Variants in LTBP3 observed in about 807,000 individuals in gnomAD.
LTBP3 encodes latent-transforming growth factor beta-binding protein 3.
Under a neutral mutation model 159.7 loss-of-function variants are expected in LTBP3, and 97 were observed. The ratio of observed to expected loss-of-function variants is 0.61; its 90% confidence interval spans 0.52 to 0.72. LTBP3 has a LOEUF of 0.72. LTBP3 is among the 30% of genes least tolerant of loss of function. LTBP3 has a pLI of 0.00. For synonymous variants in LTBP3, 824 were observed against 777.1 expected (o/e 1.06, Z -1.00); for missense variants, 1,584 against 1,864.3 (o/e 0.85, Z 2.77).
chr11:65,548,356 T>C (rs1204007772), intron 11 of LTBP3: 1 of 587,416 alleles, frequency 1.7e-6, no homozygotes, highest in East Asian at 2.8e-5. Context: ...TCAGGGCCCC[T>C]CAGTCGTCCC....
intron 16 of LTBP3, chr11:65,544,419 A>G (rs1221386152): frequency 6.6e-6 from 1 of 151,744 alleles, no homozygotes; most frequent in East Asian, 1.9e-4. Context: ...ATCCATAAAC[A>G]CCTCTCCTTC....
chr11:65,542,119 G>GC (rs1856161611), intron 18 of LTBP3: 2 of 295,506 alleles, frequency 6.8e-6, no homozygotes, highest in Non-Finnish European at 1.4e-5. Context: ...TCTATGCTTT[G>GC]CAATTACTGC....
chr11:65,542,915 AGGATGGATGGATAGAAGGATGGAT>A, intron 18 of LTBP3, 166 bp downstream of exon 18: 3 of 787,446 alleles, frequency 3.8e-6, no homozygotes, highest in African/African-American at 1.7e-5. Flanking sequence ...GATGAATGGA[AGGATGGATGGATAGAAGGATGGAT>A]GGATGGATGG....
rs1303502014 is a variant in LTBP3, at chr11:65,554,167, T to G, written c.545A>C (p.Lys182Thr). Residue 182 changes from lysine to threonine, a missense_variant, in exon 2 of 28, where the codon AAG becomes ACG. By Grantham distance (78) the Lys-to-Thr change is moderately conservative. This residue lies in a region of LTBP3 where 194 missense variants were observed against 198.7 expected (regional missense o/e 0.98). Transcript: ENST00000301873. The surrounding 1 kb of genome is among the most constrained non-coding windows in gnomAD (Gnocchi z 5.3). ...LAPEGDSVAS[K>T]HAIYAVQVIA... The stretch of plus-strand genomic sequence containing the variant: ...CACCTGGACGGCGTAGATGGCGTGC[T>G]TGCTGGCCACAGAGTCGCCCTCCGG... 24 of 1,612,020 alleles carry G rather than the reference T, an allele frequency of 1.5e-5. No homozygotes were observed. The highest frequency in any genetic ancestry group is 2.0e-5 in the Non-Finnish European group (24 of 1,179,572).
In LTBP3 at chr11:65,538,860, T is replaced by C. The variant is rs936424531; in HGVS notation, c.*220A>G. The C allele has an allele frequency of 5.0e-5, 44 of 888,628 alleles. No homozygotes were observed. The East Asian group carries it at 9.8e-4, about 20-fold the overall frequency. 55.0% of individuals were successfully genotyped at this position (888,628 alleles called of 1,614,324 possible). Reference sequence around the variant, plus strand: ...ATTTATCAGTTTCTAGGAAACACCCTCTGGGAGGAAGGCAGGCAGCGCCCG... The same window carrying C: ...ATTTATCAGTTTCTAGGAAACACCCCCTGGGAGGAAGGCAGGCAGCGCCCG... On this transcript the variant is annotated 3_prime_UTR_variant, in exon 28 of 28. Transcript: ENST00000301873.
chr11:65,553,886 C>CG lies in LTBP3; in HGVS notation c.678dup (p.Val227ArgfsTer20). 2.0e-6 allele frequency: 3 copies of CG among 1,512,338 alleles called. No homozygotes were observed. Among genetic ancestry groups the CG allele is most frequent in the South Asian group, 1.2e-5 (1 of 84,736 alleles). 93.7% of individuals were successfully genotyped at this position (1,512,338 alleles called of 1,614,324 possible). ...GGGTGATGGACGCGCACATTCACCACGGGGGGCGGGGCCTGCACTGGGGGC... is the reference window on the plus strand; with the variant it reads ...GGGTGATGGACGCGCACATTCACCACGGGGGGGCGGGGCCTGCACTGGGGGC... On this transcript the variant is annotated frameshift_variant, in exon 3 of 28. Coordinates refer to ENST00000301873, the MANE Select transcript of LTBP3 (RefSeq NM_001130144.3). LOFTEE classifies it high-confidence loss of function. The surrounding 1 kb of genome is among the most constrained non-coding windows in gnomAD (Gnocchi z 6.5).
rs1856390627 is a variant in LTBP3 at position 65,546,766 on chromosome 11, C to A, written c.2230+32G>T. ...CAGACTGGGGGAGGCACCTGACGGC[C>A]CCACCCACTCGGCTCCGGGCCCCGC... is the stretch of plus-strand genomic sequence containing the variant. On this transcript the variant is annotated intron_variant, in intron 15 of 27. Transcript: ENST00000301873. The surrounding 1 kb of genome is among the most constrained non-coding windows in gnomAD (Gnocchi z 4.0). 2 of 1,587,590 alleles carry A rather than the reference C, an allele frequency of 1.3e-6. No individual in the cohort carries two copies. The highest frequency in any genetic ancestry group is 1.7e-5 in the Admixed American group (1 of 59,532).
In LTBP3 at chr11:65,547,576, G is replaced by A. The variant is rs749666154; in HGVS notation, c.1979-9C>T. On this transcript the variant is annotated splice_polypyrimidine_tract_variant and intron_variant, in intron 13 of 27. Coordinates refer to ENST00000301873, the MANE Select transcript of LTBP3 (RefSeq NM_001130144.3). The surrounding 1 kb of genome is among the most constrained non-coding windows in gnomAD (Gnocchi z 4.6). ...GGCGCATTCGTTCAGGTCTGTGCGG[G>A]AGGAAGGGGCCACGAAGGGGGTGTA... 105 of 1,613,436 alleles carry A rather than the reference G, an allele frequency of 6.5e-5. No individual in the cohort carries two copies. The highest frequency in any genetic ancestry group is 8.3e-5 in the Non-Finnish European group (98 of 1,179,652).
At position 65,539,704 on chromosome 11, in the gene LTBP3, T is replaced by C; in HGVS notation, c.3547+16A>G. ...CCCATCCTCGCTCCCGGCCAACTCCTCCCCGACTGCCTTACCCGCGCCGCG... is the reference window on the plus strand; with the variant it reads ...CCCATCCTCGCTCCCGGCCAACTCCCCCCCGACTGCCTTACCCGCGCCGCG... On this transcript the variant is annotated intron_variant, in intron 25 of 27. Transcript: ENST00000301873. 1 of 1,561,054 alleles carries C rather than the reference T, an allele frequency of 6.4e-7. No individual in the cohort carries two copies. Among genetic ancestry groups the C allele is most frequent in the Non-Finnish European group, 8.6e-7 (1 of 1,160,652 alleles).
chr11:65,539,905 G>C, intron 24 of LTBP3, 24 bp from the exon 25 acceptor site: 1 of 1,503,608 alleles, frequency 6.7e-7, no homozygotes, highest in Admixed American at 2.2e-5. Flanking sequence ...CTGGCATCAG[G>C]GGAGGGGCCC....
Position 65,538,916 on chromosome 11 carries a change from G to C in LTBP3, c.*164C>G. The C allele has an allele frequency of 7.9e-7, 1 of 1,266,460 alleles. No individual in the cohort carries two copies. The highest frequency in any genetic ancestry group is 3.8e-5 in the Admixed American group (1 of 26,084). The allele number at this position is 1,266,460 out of a possible 1,614,324, so 78.5% of individuals were successfully genotyped here. On this transcript the variant is annotated 3_prime_UTR_variant, in exon 28 of 28. Transcript: ENST00000301873. ...GACCTTACAACCGCCCGCTAACCGG[G>C]GAGGGGGGCCGGTAGGGGCGCCTCG... is the stretch of plus-strand genomic sequence containing the variant.
intron 1 of LTBP3, among the ~76,000 whole-genome samples, chr11:65,557,364 T>A (rs1305942558): frequency 6.6e-6 from 1 of 152,070 alleles, no homozygotes. Flanking sequence ...GAAGCCAGTG[T>A]CATCCAGGAC....
At position 65,543,104 on chromosome 11, in the gene LTBP3, C is replaced by T; in HGVS notation, c.2596+1G>A. 1.9e-6 allele frequency: 3 copies of T among 1,613,998 alleles called. No homozygotes were observed. Among genetic ancestry groups the T allele is most frequent in the Non-Finnish European group, 2.5e-6 (3 of 1,179,974 alleles). ...AGGAACCCTCAGCCAGTCCCCCATA[C>T]CTTGGCATTTCCTGCCACCCACCAG... On this transcript the variant is annotated splice_donor_variant, in intron 18 of 27. Transcript: ENST00000301873. LOFTEE classifies it high-confidence loss of function.
chr11:65,539,970 G>C, intron 24 of LTBP3, 43 bp downstream of exon 24: 1 of 1,457,950 alleles, frequency 6.9e-7, no homozygotes, highest in Admixed American at 2.5e-5. Context: ...GCCACGTGAC[G>C]GACAGGGCCC....
chr11:65,555,422 C>A (rs944891167), intron 1 of LTBP3, among the ~76,000 whole-genome samples: 11 of 152,118 alleles, frequency 7.2e-5, no homozygotes, highest in African/African-American at 1.9e-4. Context: ...GGTCCCCCCC[C>A]TCTCTATATA....
At chr11:65,551,249 C>T in intron 10 of LTBP3, 25 bp from the exon 11 acceptor site, 1 of 1,539,276 alleles carries the variant, frequency 6.5e-7, no homozygotes, top group South Asian at 1.2e-5. Flanking sequence ...GCACTCTGGT[C>T]AGAGACGATA....
At position 65,551,458 on chromosome 11, in the gene LTBP3, C is replaced by G; in HGVS notation, c.1565G>C (p.Arg522Thr). Reference sequence around the variant, plus strand: ...AGTTGGGTGGCTCTGCTGCACTGACCTCTCCTCACTCACCGGCTGCGGGTG... The same window carrying G: ...AGTTGGGTGGCTCTGCTGCACTGACGTCTCCTCACTCACCGGCTGCGGGTG... ...VTTDSPVSEE[R>T]SVQQSHPTAT... Residue 522 changes from arginine to threonine, a missense_variant, in exon 10 of 28, where the codon AGG becomes ACG. Physicochemically the swap from Arg to Thr is moderately conservative, Grantham distance 71. Coordinates refer to ENST00000301873, the MANE Select transcript of LTBP3 (RefSeq NM_001130144.3). The G allele has an allele frequency of 6.2e-7, 1 of 1,614,018 alleles. No individual in the cohort carries two copies. Among genetic ancestry groups the G allele is most frequent in the Admixed American group, 1.7e-5 (1 of 60,022 alleles).
At position 65,539,816 on chromosome 11, in the gene LTBP3, G is replaced by A. The variant is rs907180740; in HGVS notation, c.3451C>T (p.Pro1151Ser). The part of the protein sequence containing the change: ...QRGEDGMCAG[P>S]LAGPALTFDD... ...AAGGTGAGGGCAGGCCCGGCCAGGG[G>A]GCCAGCGCACATGCCGTCCTCTCCG... Residue 1151 changes from proline (P) to serine (S), a missense_variant, in exon 25 of 28, where the codon CCC (proline) becomes TCC (serine). Physicochemically the swap from Pro to Ser is moderately conservative, Grantham distance 74. Coordinates refer to ENST00000301873, the MANE Select transcript of LTBP3 (RefSeq NM_001130144.3). 3.9e-6 allele frequency: 6 copies of A among 1,532,842 alleles called. No homozygotes were observed. The highest frequency in any genetic ancestry group is 5.2e-6 in the Non-Finnish European group (6 of 1,146,778). The allele number at this position is 1,532,842 out of a possible 1,614,324, so 95.0% of individuals were successfully genotyped here.
At position 65,539,113 on chromosome 11, in the gene LTBP3, C is replaced by T; in HGVS notation, c.3879G>A (p.Pro1293=). The T allele has an allele frequency of 2.0e-6, 3 of 1,469,362 alleles. No individual in the cohort carries two copies. Among genetic ancestry groups the T allele is most frequent in the Non-Finnish European group, 2.7e-6 (3 of 1,107,962 alleles). The allele number at this position is 1,469,362 out of a possible 1,614,324, so 91.0% of individuals were successfully genotyped here. A position where few individuals can be genotyped will look rare whatever the true frequency, so the allele number is the denominator to read the frequency against. The change falls in exon 28 of 28, where the codon CCG becomes CCA. Residue 1293 remains proline (P), a synonymous_variant. Coordinates refer to ENST00000301873, the MANE Select transcript of LTBP3 (RefSeq NM_001130144.3). ...VCKAGFARSR[P]HGACVPQRRR is the part of the protein sequence containing the mutation. ...GGCGCTGGGGAACGCAGGCCCCGTG[C>T]GGGCGGCTGCGCGCGAAGCCGGCTT...
Sources: allele counts gnomAD v4.1 joint callset (sites outside exome capture counted in the v4.1 genomes callset), GRCh38; gene constraint gnomAD v4.1.1; regional missense constraint gnomAD v4.1.1; non-coding constraint Gnocchi (gnomAD v3.1); transcripts MANE v1.5; gene names NCBI Gene and HGNC (gene_info 2026-07-23, HGNC 2026-07-21).